REXO1: variants seen among roughly 807,000 people sequenced by gnomAD.
REXO1 encodes the protein REX1, RNA exonuclease 1 homolog.
In REXO1, 42 loss-of-function variants were observed where a neutral mutation model predicts 102.6. The ratio of observed to expected loss-of-function variants is 0.41; its 90% CI spans 0.32 to 0.53. REXO1 has a LOEUF of 0.53. Ranked by LOEUF, REXO1 falls within the 20% of genes least tolerant of loss-of-function variation. REXO1 has a pLI of 0.27. For synonymous variants in REXO1, 908 were observed against 779.1 expected, an observed-to-expected ratio of 1.17 and a Z score of -2.76; for missense variants, 1,819 against 1,732.5, an observed-to-expected ratio of 1.05 and a Z score of -0.89.
chr19:1,827,286 G>A lies in REXO1; in HGVS notation c.1503C>T (p.Asp501=), dbSNP rs776408697. 68 of 1,564,302 alleles carry A rather than the reference G, an allele frequency of 4.3e-5. 1 individual carries two copies. The South Asian group carries it at 4.5e-4, about 10-fold the overall frequency. ...KLVERKARSL[D]EGASQDAPKL... is the part of the protein sequence containing the mutation. ...TGGGGGCGTCCTGGGAGGCGCCCTCGTCTAGTGAGCGGGCTTTCCGCTCCA... is the reference window on the plus strand; with the variant it reads ...TGGGGGCGTCCTGGGAGGCGCCCTCATCTAGTGAGCGGGCTTTCCGCTCCA... The change falls in exon 2 of 16, where the codon GAC becomes GAT. Residue 501 remains aspartate (D), a synonymous_variant. Transcript: ENST00000170168.
chr19:1,848,080 G>C (rs1286251221), intron 1 of REXO1, 122 bp downstream of exon 1: 4 of 460,658 alleles, frequency 8.7e-6, no homozygotes, highest in Non-Finnish European at 1.0e-5. Context: ...TGGGAAAACC[G>C]TCGCCCGCGA....
At chr19:1,821,385 G>GA in intron 5 of REXO1, 134 bp downstream of exon 5, 1 of 955,414 alleles carries the variant, frequency 1.0e-6, no homozygotes. Context: ...GAGGGAAGGT[G>GA]AAGGCTGTAC....
rs753288824 is a variant in REXO1, at chr19:1,828,412, G to A, written c.377C>T (p.Ala126Val). ...TREHRSAEAP[A>V]LAPRGPNASP... Reference sequence around the variant, plus strand: ...GGCGTTGGGGCCGCGGGGCGCCAGGGCGGGGGCCTCGGCGGAGCGGTGCTC... The same window carrying A: ...GGCGTTGGGGCCGCGGGGCGCCAGGACGGGGGCCTCGGCGGAGCGGTGCTC... The change falls in exon 2 of 16, where the codon GCC (alanine) becomes GTC (valine). Residue 126 changes from alanine (A) to valine (V), a missense_variant. Coordinates refer to ENST00000170168, the MANE Select transcript of REXO1 (RefSeq NM_020695.4). 4.4e-6 allele frequency: 7 copies of A among 1,607,942 alleles called. No homozygotes were observed. Among genetic ancestry groups the A allele is most frequent in the Non-Finnish European group, 4.2e-6 (5 of 1,177,534 alleles).
At chr19:1,832,998 G>A (rs1431004028) in intron 1 of REXO1, among the ~76,000 whole-genome samples, 1 of 151,480 alleles carries the variant, frequency 6.6e-6, no homozygotes, top group Non-Finnish European at 1.5e-5. Context: ...GGAAGGCCAA[G>A]ATGAGCAGAC....
In REXO1 at chr19:1,825,940, G is replaced by A. The variant is rs750010285; in HGVS notation, c.1915C>T (p.Pro639Ser). 6 of 1,609,752 alleles carry A rather than the reference G, an allele frequency of 3.7e-6. No individual in the cohort carries two copies. Among genetic ancestry groups the A allele is most frequent in the Non-Finnish European group, 5.1e-6 (6 of 1,176,456 alleles). ...TTCTCCTCACTCTTCTCTTCCTTGG[G>A]GGGCTAAGACACATGTCCGTCCGTC... is the stretch of plus-strand genomic sequence containing the variant. The part of the protein sequence containing the change: ...EDRGRLARQP[P>S]KEEKSEEKGL... Residue 639 changes from proline (P) to serine (S), a missense_variant, in exon 3 of 16, where the codon CCC (proline) becomes TCC (serine). Pro to Ser is a moderately conservative substitution (Grantham distance 74). Transcript: ENST00000170168.
chr19:1,822,227 A>T (rs1054448242), intron 4 of REXO1: 2 of 231,312 alleles, frequency 8.6e-6, no homozygotes, highest in African/African-American at 4.5e-5. Context: ...GCACCGACCC[A>T]GGAAGGGGAG....
At chr19:1,828,677 A>G (rs1181173833) in intron 1 of REXO1, 46 bp from the exon 2 acceptor site, 3 of 1,540,982 alleles carry the variant, frequency 1.9e-6, no homozygotes, top group Non-Finnish European at 2.6e-6. Flanking sequence ...GCCGGAGAGG[A>G]GCCCGCAGCA....
At chr19:1,829,899 TCCAAGATAGCTGGGACTATAGC>T (rs1263351106) in intron 1 of REXO1, among the ~76,000 whole-genome samples, 2 of 152,152 alleles carry the variant, frequency 1.3e-5, no homozygotes, top group Non-Finnish European at 2.9e-5. Context: ...CACCTCAGCC[TCCAAGATAGCTGGGACTATAGC>T]CCAAGCTGCT....
At position 1,825,910 on chromosome 19, in the gene REXO1, G is replaced by T. The variant is rs374420689; in HGVS notation, c.1945C>A (p.Leu649Ile). The change falls in exon 3 of 16, where the codon CTT becomes ATT. Residue 649 changes from leucine (L) to isoleucine (I), a missense_variant. Physicochemically the swap from Leu to Ile is conservative, Grantham distance 5 (BLOSUM62 2). Coordinates refer to ENST00000170168, the MANE Select transcript of REXO1 (RefSeq NM_020695.4). ...PKEEKSEEKGLSGLTTLFPGQ... is the reference protein window; with the variant it reads ...PKEEKSEEKGISGLTTLFPGQ... ...GGGAACAGAGTGGTCAGACCCGAAA[G>T]CCCCTTCTCCTCACTCTTCTCTTCC... 26 of 1,607,384 alleles carry T rather than the reference G, an allele frequency of 1.6e-5. No individual in the cohort carries two copies. Among genetic ancestry groups the T allele is most frequent in the Non-Finnish European group, 8.5e-6 (10 of 1,178,328 alleles).
intron 5 of REXO1, 128 bp from the exon 6 acceptor site, chr19:1,820,523 G>C: frequency 6.5e-6 from 7 of 1,079,386 alleles, no homozygotes; most frequent in Admixed American, 2.5e-5. Flanking sequence ...GATCAGCCTG[G>C]CTGCAGTAGG....
rs1485673969 is a variant in REXO1 at position 1,817,355 on chromosome 19, G to A, written c.3091-26C>T. On this transcript the variant is annotated intron_variant, in intron 11 of 15. Transcript: ENST00000170168. ...CTGGGGGTGGAGAAGGCAGGTGAGG[G>A]CAGCTTCGGGGTGCAGTGGGGGCGG... 3.7e-6 allele frequency: 6 copies of A among 1,609,964 alleles called. No individual in the cohort carries two copies. In the Admixed American group the frequency reaches 5.0e-5, roughly 13 times the overall value.
rs1376083473 is a variant in REXO1 at position 1,836,737 on chromosome 19, C to G, written c.158-8106G>C. On this transcript the variant is annotated intron_variant, in intron 1 of 15. Coordinates refer to ENST00000170168, the MANE Select transcript of REXO1 (RefSeq NM_020695.4). ...CTGCAGCCTGGGCAACAGAGCAAGA[C>G]TGTCTCAAAAAAAAAAAAAAAAAAA... 7.0e-4 allele frequency among the ~76,000 whole-genome samples: 6 copies of G among 8,618 alleles called. 1 individual carries two copies. The Admixed American group carries it at 9.6e-3, about 14-fold the overall frequency. The allele number at this position is 8,618 out of a possible 152,430, so 5.7% of individuals were successfully genotyped here.
rs777479566 is a variant in REXO1, at chr19:1,827,417, G to C, written c.1372C>G (p.Pro458Ala). ...CGGGAGTCCCCGCTTGTGGGGCTCGGCCGCCGCGCTGGCCGGTCAGGCCTC... is the reference window on the plus strand; with the variant it reads ...CGGGAGTCCCCGCTTGTGGGGCTCGCCCGCCGCGCTGGCCGGTCAGGCCTC... ...KGRPDRPARR[P>A]SPTSGDSRPA... Residue 458 changes from proline (P) to alanine (A), a missense_variant, in exon 2 of 16, where the codon CCG becomes GCG. Transcript: ENST00000170168. 1 of 1,545,996 alleles carries C rather than the reference G, an allele frequency of 6.5e-7. No individual in the cohort carries two copies. Among genetic ancestry groups the C allele is most frequent in the East Asian group, 2.3e-5 (1 of 43,732 alleles).
At chr19:1,824,848 C>T (rs1262850912) in intron 3 of REXO1, among the ~76,000 whole-genome samples, 3 of 152,180 alleles carry the variant, frequency 2.0e-5, no homozygotes, top group Non-Finnish European at 4.4e-5. Context: ...CGCAATGGCA[C>T]GATCTTGGCT....
chr19:1,820,471 C>T (rs2069500797), intron 5 of REXO1, 76 bp from the exon 6 acceptor site: 1 of 1,555,826 alleles, frequency 6.4e-7, no homozygotes, highest in Non-Finnish European at 8.8e-7. Context: ...CGCGATGAGG[C>T]CGTGCCCATG....
In REXO1 at chr19:1,817,706, C is replaced by T. The variant is rs951002040; in HGVS notation, c.3090+1G>A. 6.2e-7 allele frequency: 1 copy of T among 1,612,122 alleles called. No homozygotes were observed. The highest frequency in any genetic ancestry group is 8.5e-7 in the Non-Finnish European group (1 of 1,179,494). ...GAGGGGACTGGGACGCCAGGGCTCA[C>T]CTTTGCGACTTGGCAGCCGACAGAG... On this transcript the variant is annotated splice_donor_variant, in intron 11 of 15. Transcript: ENST00000170168. LOFTEE classifies it high-confidence loss of function.
At chr19:1,825,224 C>T (rs1354793118) in intron 3 of REXO1, among the ~76,000 whole-genome samples, 2 of 146,528 alleles carry the variant, frequency 1.4e-5, no homozygotes, top group Admixed American at 1.4e-4. Context: ...CACTTAAGCC[C>T]GGGAGGCGGA....
chr19:1,815,535 G>A lies in REXO1; in HGVS notation c.*531C>T. On this transcript the variant is annotated 3_prime_UTR_variant, in exon 16 of 16. Coordinates refer to ENST00000170168, the MANE Select transcript of REXO1 (RefSeq NM_020695.4). This position sits in a 1 kb window ranked among gnomAD's most constrained non-coding sequence, Gnocchi z 4.0. ...CCCACACTGCGCTGAGTGTGGCCCTGGCCCCCACTGGGGTCTGTCCCACCC... is the reference window on the plus strand; with the variant it reads ...CCCACACTGCGCTGAGTGTGGCCCTAGCCCCCACTGGGGTCTGTCCCACCC... 1 of 400,486 alleles carries A rather than the reference G, an allele frequency of 2.5e-6. No individual in the cohort carries two copies. The highest frequency in any genetic ancestry group is 2.1e-5 in the African/African-American group (1 of 47,048). The allele number at this position is 400,486 out of a possible 1,614,324, so 24.8% of individuals were successfully genotyped here.
chr19:1,821,688 G>GGGGCACAGGGGGTGT lies in REXO1; in HGVS notation c.2231-21_2231-7dup, dbSNP rs745406416. ...CCTCTTGGCACCTGTGGGGGCTGGC[G>GGGGCACAGGGGGTGT]GGGCACAGGGGGTGTGGGCACAGGG... On this transcript the variant is annotated splice_polypyrimidine_tract_variant and splice_region_variant and intron_variant, in intron 4 of 15. Transcript: ENST00000170168. 3 of 1,606,912 alleles carry GGGGCACAGGGGGTGT rather than the reference G, an allele frequency of 1.9e-6. No homozygotes were observed. In the African/African-American group the frequency reaches 4.0e-5, roughly 21 times the overall value.
Sources: allele counts gnomAD v4.1 joint callset (sites outside exome capture counted in the v4.1 genomes callset), GRCh38; gene constraint gnomAD v4.1.1; non-coding constraint Gnocchi (gnomAD v3.1); transcripts MANE v1.5; gene names NCBI Gene and HGNC (gene_info 2026-07-23, HGNC 2026-07-21).